The following SUSD4 variants were observed in gnomAD, a reference collection of about 807,000 sequenced individuals.
SUSD4 encodes sushi domain containing 4.
In SUSD4, 41 loss-of-function variants were observed where a neutral mutation model predicts 50.5. The ratio of observed to expected loss-of-function variants is 0.81; its 90% CI spans 0.63 to 1.05. The LOEUF (loss-of-function observed/expected upper bound fraction) is 1.05, where lower values mean the gene tolerates loss of function less well. Among genes scored for constraint, SUSD4 ranks in the 50% least tolerant of loss-of-function variants. The pLI is 0.00. For missense variants in SUSD4, 580 were observed against 634.7 expected, an observed-to-expected ratio of 0.91 and a Z score of 0.93; for synonymous variants, 257 against 257.3, an observed-to-expected ratio of 1.00 and a Z score of 0.01.
At chr1:223,325,748 T>C (rs1666837789) in intron 2 of SUSD4, among the ~76,000 whole-genome samples, 1 of 152,120 alleles carries the variant, frequency 6.6e-6, no homozygotes, top group Non-Finnish European at 1.5e-5. Context: ...GAGAATCAAA[T>C]CAAGAACTCA....
intron 2 of SUSD4, among the ~76,000 whole-genome samples, chr1:223,327,538 C>T (rs953784896): frequency 6.6e-6 from 1 of 152,226 alleles, no homozygotes; most frequent in African/African-American, 2.4e-5. Context: ...ATGATTCAAA[C>T]CTGACTGTGT....
At chr1:223,354,181 T>C (rs1411336379) in intron 2 of SUSD4, among the ~76,000 whole-genome samples, 1 of 152,148 alleles carries the variant, frequency 6.6e-6, no homozygotes, top group Non-Finnish European at 1.5e-5. Context: ...GACATGGGCA[T>C]CCAGAATTCA....
chr1:223,249,165 C>T (rs1661137979), intron 5 of SUSD4, among the ~76,000 whole-genome samples: 1 of 152,178 alleles, frequency 6.6e-6, no homozygotes, highest in African/African-American at 2.4e-5. Context: ...TTTTCCAATA[C>T]ATGATCCCCC....
At chr1:223,252,719 C>CTT (rs3042609) in intron 5 of SUSD4, among the ~76,000 whole-genome samples, 43,861 of 149,406 alleles carry the variant, frequency 0.29, 6,638 homozygotes, top group Non-Finnish European at 0.35. Flanking sequence ...ATATAATTGG[C>CTT]TTTTTTTTTT....
chr1:223,329,499 A>G (rs1667056788), intron 2 of SUSD4, among the ~76,000 whole-genome samples: 1 of 151,972 alleles, frequency 6.6e-6, no homozygotes, highest in Non-Finnish European at 1.5e-5. Flanking sequence ...CCACCTACAC[A>G]TTCCTTTTTG....
At chr1:223,310,924 C>T (rs1256682487) in intron 2 of SUSD4, among the ~76,000 whole-genome samples, 6 of 152,298 alleles carry the variant, frequency 3.9e-5, no homozygotes, top group Admixed American at 3.9e-4. Context: ...GAGGTACCTG[C>T]AAATAACATA....
At chr1:223,278,481 T>C (rs1663441491) in intron 3 of SUSD4, among the ~76,000 whole-genome samples, 1 of 152,186 alleles carries the variant, frequency 6.6e-6, no homozygotes, top group Admixed American at 6.5e-5. Context: ...CACAGCAGTC[T>C]GAGATCGAAC....
chr1:223,245,223 A>G (rs936778572), intron 5 of SUSD4, among the ~76,000 whole-genome samples: 3 of 151,316 alleles, frequency 2.0e-5, no homozygotes, highest in Non-Finnish European at 4.4e-5. Context: ...TGGGACTTGT[A>G]TTATGTGTTT....
intron 5 of SUSD4, chr1:223,234,870 G>C (rs1012986302): frequency 1.4e-6 from 2 of 1,463,358 alleles, no homozygotes; most frequent in African/African-American, 2.9e-5. Flanking sequence ...GCACTAACAG[G>C]TGTGCAGATC....
chr1:223,284,204 C>A (rs1663975116), intron 3 of SUSD4, among the ~76,000 whole-genome samples: 1 of 152,160 alleles, frequency 6.6e-6, no homozygotes, highest in Non-Finnish European at 1.5e-5. Flanking sequence ...ACATTGCGCA[C>A]ATGTACCCTA....
chr1:223,226,200 G>A (rs1354501710), intron 7 of SUSD4, among the ~76,000 whole-genome samples: 1 of 152,184 alleles, frequency 6.6e-6, no homozygotes. Flanking sequence ...TTGAGATACT[G>A]TAATTGCTCA....
At chr1:223,274,575 A>G (rs1322426881) in intron 3 of SUSD4, among the ~76,000 whole-genome samples, 1 of 152,250 alleles carries the variant, frequency 6.6e-6, no homozygotes, top group Non-Finnish European at 1.5e-5. Flanking sequence ...AGTTATTATA[A>G]TAAGCATGCT....
intron 5 of SUSD4, chr1:223,264,422 T>G (rs2103073231): frequency 7.6e-7 from 1 of 1,310,004 alleles, no homozygotes; most frequent in Admixed American, 3.5e-5. Context: ...CTCTCCTCTT[T>G]AAGCCTAAGG....
In SUSD4 at chr1:223,308,236, T is replaced by A. The variant is rs550715323; in HGVS notation, c.149-15585A>T. On this transcript the variant is annotated intron_variant, in intron 2 of 8. Transcript: ENST00000366878. ...GAGGTGATTGGATCATGGGGTTGGA[T>A]TTCTCATGAATGGTTCAGCACATCC... Among the ~76,000 whole-genome samples, 144 of 152,266 alleles carry A rather than the reference T, an allele frequency of 9.5e-4. 1 individual carries two copies. The South Asian group carries it at 0.01, about 11-fold the overall frequency.
intron 2 of SUSD4, among the ~76,000 whole-genome samples, chr1:223,295,371 C>T (rs1664753131): frequency 6.6e-6 from 1 of 152,158 alleles, no homozygotes. Context: ...TCTGGCTATC[C>T]ATAGGTAAAA....
At chr1:223,337,190 C>G (rs1667504367) in intron 2 of SUSD4, among the ~76,000 whole-genome samples, 1 of 152,188 alleles carries the variant, frequency 6.6e-6, no homozygotes, top group Non-Finnish European at 1.5e-5. Context: ...TGCCACCTTA[C>G]AGAGTTCAAA....
At position 223,266,972 on chromosome 1, in the gene SUSD4, A is replaced by T. The variant is rs539174092; in HGVS notation, c.535+1530T>A. ...TAGAGGGTAGGGCACAGGCCAGGGC[A>T]CCCACCCCCTCTGTGGGACAGAGGC... On this transcript the variant is annotated intron_variant, in intron 4 of 8. Transcript: ENST00000366878. 1.6e-4 allele frequency among the ~76,000 whole-genome samples: 25 copies of T among 152,256 alleles called. No individual in the cohort carries two copies. The East Asian group carries it at 4.5e-3, about 27-fold the overall frequency.
intron 3 of SUSD4, among the ~76,000 whole-genome samples, chr1:223,272,730 T>C (rs1225720452): frequency 6.6e-6 from 1 of 152,202 alleles, no homozygotes; most frequent in African/African-American, 2.4e-5. Flanking sequence ...CGAACGGTCT[T>C]ACTGTAAAGA....
intron 5 of SUSD4, among the ~76,000 whole-genome samples, chr1:223,251,228 G>C (rs1661284470): frequency 6.6e-6 from 1 of 152,198 alleles, no homozygotes; most frequent in African/African-American, 2.4e-5. Context: ...GGCTGTACCA[G>C]CATGGCTCCA....
Sources: allele counts gnomAD v4.1 joint callset (sites outside exome capture counted in the v4.1 genomes callset), GRCh38; gene constraint gnomAD v4.1.1; transcripts MANE v1.5; gene names NCBI Gene and HGNC (gene_info 2026-07-23, HGNC 2026-07-21).